The following IMPG2 variants were observed in gnomAD, a reference collection of about 807,000 sequenced individuals.
IMPG2 encodes the protein interphotoreceptor matrix proteoglycan 2, also known as IPM 200.
IMPG2 carries 91 observed loss-of-function variants against 129.2 expected under a neutral mutation model. The observed-to-expected ratio is 0.70, with a 90% CI of 0.59 to 0.84. The LOEUF is 0.84. Ranked by LOEUF, IMPG2 falls within the 40% of genes least tolerant of loss-of-function variation. IMPG2 has a pLI of 0.00. For missense variants in IMPG2, 1,430 were observed against 1,461.7 expected (o/e 0.98, Z 0.35); for synonymous variants, 510 against 517.7 (o/e 0.99, Z 0.20).
chr3:101,268,621 A>T (rs1008597497), intron 8 of IMPG2, among the ~76,000 whole-genome samples: 1 of 2,440 alleles, frequency 4.1e-4, no homozygotes, highest in Non-Finnish European at 2.3e-3. Context: ...GTAAATATAC[A>T]TATATATATA....
At chr3:101,227,458 T>C (rs1706237204) in intron 18 of IMPG2, among the ~76,000 whole-genome samples, 1 of 152,226 alleles carries the variant, frequency 6.6e-6, no homozygotes, top group African/African-American at 2.4e-5. Flanking sequence ...ATCTGCCTAT[T>C]CCTATAAGGC....
chr3:101,264,873 T>TA lies in IMPG2; in HGVS notation c.908+2637dup, dbSNP rs925950805. Among the ~76,000 whole-genome samples, 70 of 151,334 alleles carry TA rather than the reference T, an allele frequency of 4.6e-4. 1 individual carries two copies. Among genetic ancestry groups the TA allele is most frequent in the African/African-American group, 1.6e-3 (65 of 41,240 alleles). On this transcript the variant is annotated intron_variant, in intron 9 of 18. Coordinates refer to ENST00000193391, the MANE Select transcript of IMPG2 (RefSeq NM_016247.4). ...AAGGTTGCAGGATACAAAATCAACT[T>TA]AAAAAAATCCAGTGGCATTCCTATA...
At chr3:101,298,969 C>T (rs1304901752) in intron 3 of IMPG2, among the ~76,000 whole-genome samples, 1 of 152,168 alleles carries the variant, frequency 6.6e-6, no homozygotes, top group Non-Finnish European at 1.5e-5. Context: ...GGGAAGTTCT[C>T]CTGGATAATA....
intron 17 of IMPG2, among the ~76,000 whole-genome samples, 199 bp downstream of exon 17, chr3:101,229,181 G>A (rs1576741774): frequency 6.7e-6 from 1 of 149,388 alleles, no homozygotes; most frequent in African/African-American, 2.5e-5. Context: ...ATAAGGTACC[G>A]CTTAGAATTT....
In IMPG2 at chr3:101,309,157, C is replaced by T. The variant is rs573792133; in HGVS notation, c.335-4845G>A. 3.5e-4 allele frequency among the ~76,000 whole-genome samples: 54 copies of T among 152,302 alleles called. No individual in the cohort carries two copies. The South Asian group carries it at 0.011, about 32-fold the overall frequency. The stretch of plus-strand genomic sequence containing the variant: ...ACATTCAACAAGTATCTAGGAAGTT[C>T]TGAACTTTCCCACATCTTCCTGTCT... On this transcript the variant is annotated intron_variant, in intron 2 of 18. Transcript: ENST00000193391.
intron 14 of IMPG2, among the ~76,000 whole-genome samples, chr3:101,238,770 A>G (rs1287099658): frequency 6.6e-6 from 1 of 152,210 alleles, no homozygotes; most frequent in Non-Finnish European, 1.5e-5. Context: ...AAAACATACC[A>G]AATTATAAAG....
intron 4 of IMPG2, among the ~76,000 whole-genome samples, chr3:101,288,373 A>G (rs1706969304): frequency 6.6e-6 from 1 of 151,600 alleles, no homozygotes; most frequent in African/African-American, 2.4e-5. Flanking sequence ...GCAATCCCAT[A>G]TCATTATATC....
intron 14 of IMPG2, among the ~76,000 whole-genome samples, chr3:101,236,990 A>T (rs1706353569): frequency 6.6e-6 from 1 of 152,192 alleles, no homozygotes; most frequent in African/African-American, 2.4e-5. Flanking sequence ...CTGCCAGCAC[A>T]GCAGCCTGAA....
chr3:101,284,681 T>C (rs1706927077), intron 4 of IMPG2, among the ~76,000 whole-genome samples: 1 of 152,200 alleles, frequency 6.6e-6, no homozygotes, highest in African/African-American at 2.4e-5. Context: ...TGCCTAGCAG[T>C]TTCTAAAAGA....
At chr3:101,310,044 G>C (rs1238372260) in intron 2 of IMPG2, among the ~76,000 whole-genome samples, 1 of 152,182 alleles carries the variant, frequency 6.6e-6, no homozygotes, top group South Asian at 2.1e-4. Context: ...AGGAGTATAA[G>C]AGAACTTTCT....
At chr3:101,302,264 G>A (rs1408610542) in intron 3 of IMPG2, among the ~76,000 whole-genome samples, 1 of 152,080 alleles carries the variant, frequency 6.6e-6, no homozygotes, top group Non-Finnish European at 1.5e-5. Context: ...ACATTCCAAG[G>A]TAACATCAGA....
chr3:101,302,818 G>T (rs368312272), intron 3 of IMPG2, among the ~76,000 whole-genome samples: 1 of 152,020 alleles, frequency 6.6e-6, no homozygotes, highest in South Asian at 2.1e-4. Flanking sequence ...TAAAAGTTGC[G>T]TTCATTTTAA....
chr3:101,263,133 A>G (rs1416214582), intron 9 of IMPG2, among the ~76,000 whole-genome samples: 1 of 152,040 alleles, frequency 6.6e-6, no homozygotes, highest in Non-Finnish European at 1.5e-5. Flanking sequence ...TCTCCCTAGA[A>G]CAAATCATCT....
chr3:101,312,385 G>A (rs1707271528), intron 2 of IMPG2, among the ~76,000 whole-genome samples: 1 of 151,906 alleles, frequency 6.6e-6, no homozygotes, highest in African/African-American at 2.4e-5. Flanking sequence ...ATTTTCAAAG[G>A]AAGATATACA....
chr3:101,230,553 C>T (rs1330910033), intron 16 of IMPG2, among the ~76,000 whole-genome samples: 1 of 152,222 alleles, frequency 6.6e-6, no homozygotes, highest in African/African-American at 2.4e-5. Flanking sequence ...TCTGGTCACA[C>T]TCAACCATGC....
intron 7 of IMPG2, among the ~76,000 whole-genome samples, chr3:101,272,026 C>G (rs1329345806): frequency 1.3e-5 from 2 of 152,128 alleles, no homozygotes; most frequent in East Asian, 3.9e-4. Context: ...TCACACTGAC[C>G]TTTCCCTCTC....
At chr3:101,241,180 A>C (rs1706402581) in intron 14 of IMPG2, among the ~76,000 whole-genome samples, 1 of 152,208 alleles carries the variant, frequency 6.6e-6, no homozygotes, top group African/African-American at 2.4e-5. Context: ...CACATAAATT[A>C]ACATTATTAC....
rs1263954282 is a variant in IMPG2 at position 101,319,694 on chromosome 3, C to T, written c.224G>A (p.Trp75Ter). The part of the protein sequence containing the change: ...PLDRRETERQ[W>*]LIRRRRSILF... Reference sequence around the variant, plus strand: ...AATAGATCTCCGCCTTCTGATTAACCACTGTCTTTCAGTTTCTCTGCGGTC... The same window carrying T: ...AATAGATCTCCGCCTTCTGATTAACTACTGTCTTTCAGTTTCTCTGCGGTC... The change falls in exon 2 of 19, where the codon TGG becomes TAG. Residue 75 changes from tryptophan (W) to a stop codon, truncating the protein, a stop_gained. Coordinates refer to ENST00000193391, the MANE Select transcript of IMPG2 (RefSeq NM_016247.4). LOFTEE classifies it high-confidence loss of function. 6.2e-7 allele frequency: 1 copy of T among 1,613,602 alleles called. No homozygotes were observed. Among genetic ancestry groups the T allele is most frequent in the African/African-American group, 1.3e-5 (1 of 74,882 alleles).
At chr3:101,304,339 C>CA in intron 2 of IMPG2, 27 bp from the exon 3 acceptor site, 1 of 1,608,256 alleles carries the variant, frequency 6.2e-7, no homozygotes, top group East Asian at 2.2e-5. Flanking sequence ...TGTTTTTTTA[C>CA]AAAAAGCTAA....
Sources: gnomAD v4.1 joint callset for allele counts (sites outside exome capture counted in the v4.1 genomes callset) on GRCh38, gnomAD v4.1.1 for gene constraint, MANE v1.5 for transcripts, NCBI Gene and HGNC (gene_info 2026-07-23, HGNC 2026-07-21) for gene names.